IKZF2: variants seen among roughly 807,000 people sequenced by gnomAD.
IKZF2 encodes the protein zinc finger protein Helios.
A neutral mutation model predicts 49.2 loss-of-function variants in IKZF2; 15 were observed. The ratio of observed to expected loss-of-function variants is 0.30; its 90% confidence interval spans 0.20 to 0.47. The LOEUF is 0.47. Among genes scored for constraint, IKZF2 ranks in the 20% least tolerant of loss-of-function variants. The pLI is 1.00. For synonymous variants in IKZF2, 227 were observed against 221.4 expected (o/e 1.03, Z -0.23); for missense variants, 567 against 664.6 (o/e 0.85, Z 1.61).
intron 7 of IKZF2, chr2:213,021,461 C>A (rs891877644): frequency 5.2e-6 from 1 of 193,612 alleles, no homozygotes; most frequent in Non-Finnish European, 1.1e-5. Context: ...GATTGCCTTC[C>A]TACCTGCCGT....
At chr2:213,018,125 G>C (rs1211448197) in intron 7 of IKZF2, among the ~76,000 whole-genome samples, 1 of 152,008 alleles carries the variant, frequency 6.6e-6, no homozygotes, top group African/African-American at 2.4e-5. Flanking sequence ...TTTAGGTTTA[G>C]GTAAAACAGG....
chr2:213,144,714 A>G lies in IKZF2; in HGVS notation c.139+2994T>C, dbSNP rs201960006. Reference sequence around the variant, plus strand: ...GATTGTCAGCAGACTCAATATGTACACTAATGATCTCAGGCAACAATGTCC... The same window carrying G: ...GATTGTCAGCAGACTCAATATGTACGCTAATGATCTCAGGCAACAATGTCC... On this transcript the variant is annotated intron_variant, in intron 4 of 8. Coordinates refer to ENST00000434687, the MANE Select transcript of IKZF2 (RefSeq NM_001387220.1). Among the ~76,000 whole-genome samples, 11 of 152,082 alleles carry G rather than the reference A, an allele frequency of 7.2e-5. No individual in the cohort carries two copies. In the East Asian group the frequency reaches 1.9e-3, roughly 27 times the overall value.
At chr2:213,146,641 A>G (rs1415571904) in intron 4 of IKZF2, among the ~76,000 whole-genome samples, 2 of 151,606 alleles carry the variant, frequency 1.3e-5, no homozygotes, top group Non-Finnish European at 2.9e-5. Flanking sequence ...AATAACTTAC[A>G]GTTTCGAGAG....
chr2:213,141,476 C>T (rs183260149), intron 4 of IKZF2, among the ~76,000 whole-genome samples: 2 of 152,002 alleles, frequency 1.3e-5, no homozygotes, highest in East Asian at 3.9e-4. Flanking sequence ...TTCCTGGCCT[C>T]GAATTCCTAG....
At chr2:213,124,251 C>CGCGT (rs2060169241) in intron 4 of IKZF2, among the ~76,000 whole-genome samples, 1 of 97,282 alleles carries the variant, frequency 1.0e-5, no homozygotes, top group Non-Finnish European at 2.0e-5. Flanking sequence ...CGCGCGCGCG[C>CGCGT]GCACACACAC....
chr2:213,092,086 C>A (rs1574815301), intron 4 of IKZF2, among the ~76,000 whole-genome samples: 1 of 152,184 alleles, frequency 6.6e-6, no homozygotes, highest in Admixed American at 6.5e-5. Flanking sequence ...AGTGCAGTAG[C>A]ACAATCAAGG....
intron 4 of IKZF2, among the ~76,000 whole-genome samples, chr2:213,122,357 T>C (rs1284154398): frequency 2.0e-5 from 3 of 152,202 alleles, no homozygotes; most frequent in African/African-American, 7.2e-5. Context: ...TCTGACAGTA[T>C]TTCCTAAACT....
At chr2:213,101,474 T>C (rs1706650031) in intron 4 of IKZF2, among the ~76,000 whole-genome samples, 1 of 152,014 alleles carries the variant, frequency 6.6e-6, no homozygotes, top group South Asian at 2.1e-4. Flanking sequence ...AGGAAAGAAT[T>C]ATGATATACA....
rs1695481394 is a variant in IKZF2, at chr2:213,007,688, T to G, written c.1253A>C (p.Gln418Pro). 2 of 1,613,758 alleles carry G rather than the reference T, an allele frequency of 1.2e-6. No individual in the cohort carries two copies. The highest frequency in any genetic ancestry group is 1.7e-6 in the Non-Finnish European group (2 of 1,179,760). The change falls in exon 9 of 9, where the codon CAG (glutamine) becomes CCG (proline). Residue 418 changes from glutamine to proline, a missense_variant. Physicochemically the swap from Gln to Pro is moderately conservative, Grantham distance 76. Coordinates refer to ENST00000434687, the MANE Select transcript of IKZF2 (RefSeq NM_001387220.1). ...TDSESSHDDH[Q>P]SYQGHPALNP... ...TAAGGCAGGGTGTCCTTGGTAGGAC[T>G]GGTGGTCATCATGGCTGCTTTCTGA... is the stretch of plus-strand genomic sequence containing the variant.
At chr2:213,049,954 C>T in intron 5 of IKZF2, 74 bp from the exon 6 acceptor site, 2 of 1,078,378 alleles carry the variant, frequency 1.9e-6, no homozygotes, top group Admixed American at 3.2e-5. Flanking sequence ...CCACTGTTAA[C>T]CAAAGCCAGT....
chr2:213,036,277 A>G (rs1699016962), intron 6 of IKZF2, among the ~76,000 whole-genome samples: 1 of 152,194 alleles, frequency 6.6e-6, no homozygotes, highest in Admixed American at 6.5e-5. Flanking sequence ...GGAGGCATAC[A>G]TGTAATATGT....
intron 4 of IKZF2, among the ~76,000 whole-genome samples, chr2:213,117,962 C>T (rs780606643): frequency 1.3e-4 from 19 of 151,844 alleles, no homozygotes; most frequent in Non-Finnish European, 2.8e-4. Flanking sequence ...GCATTTTTTT[C>T]CTTTTAGCAT....
intron 4 of IKZF2, among the ~76,000 whole-genome samples, chr2:213,059,191 C>T (rs11885466): frequency 0.16 from 24,238 of 151,526 alleles, 2,729 homozygotes; most frequent in African/African-American, 0.31. Flanking sequence ...TCAAAGTTGT[C>T]TGCCCATTTT....
intron 4 of IKZF2, among the ~76,000 whole-genome samples, chr2:213,058,971 T>G (rs1701432787): frequency 6.6e-6 from 1 of 151,920 alleles, no homozygotes; most frequent in Admixed American, 6.6e-5. Flanking sequence ...TAGCATCATT[T>G]GTTCATCCAG....
intron 4 of IKZF2, among the ~76,000 whole-genome samples, chr2:213,068,877 T>A (rs1043199399): frequency 6.6e-6 from 1 of 150,908 alleles, no homozygotes; most frequent in Non-Finnish European, 1.5e-5. Context: ...TGTGTTTCCT[T>A]CAGTTGAATG....
At chr2:213,041,204 T>C (rs1230104218) in intron 6 of IKZF2, among the ~76,000 whole-genome samples, 5 of 152,178 alleles carry the variant, frequency 3.3e-5, no homozygotes, top group Admixed American at 3.3e-4. Context: ...TCAAGATTAC[T>C]GAATAGCAAG....
chr2:213,088,324 ATATCCT>A (rs1320139270), intron 4 of IKZF2, among the ~76,000 whole-genome samples: 3 of 152,150 alleles, frequency 2.0e-5, no homozygotes, highest in Admixed American at 2.0e-4. Flanking sequence ...GTGTCTGTTC[ATATCCT>A]TTGCCCACTT....
At chr2:213,151,849 G>A (rs1167790067), upstream of IKZF2, among the ~76,000 whole-genome samples, 1 of 149,862 alleles carries the variant, frequency 6.7e-6, no homozygotes, top group Non-Finnish European at 1.5e-5. Context: ...GTGTATGAGA[G>A]CGCGTGTGCG....
chr2:213,043,836 T>C (rs1340406511), intron 6 of IKZF2, among the ~76,000 whole-genome samples: 1 of 152,196 alleles, frequency 6.6e-6, no homozygotes, highest in African/African-American at 2.4e-5. Flanking sequence ...GCTCAATTTG[T>C]AAGAGGCCAC....
Sources: allele counts gnomAD v4.1 joint callset (sites outside exome capture counted in the v4.1 genomes callset), GRCh38; gene constraint gnomAD v4.1.1; transcripts MANE v1.5; gene names NCBI Gene and HGNC (gene_info 2026-07-23, HGNC 2026-07-21).